The following MYO5A variants were observed in gnomAD, a reference collection of about 807,000 sequenced individuals.
MYO5A encodes the protein myosin VA, also known as unconventional myosin-Va.
Under a neutral mutation model 249.7 loss-of-function variants are expected in MYO5A, and 98 were observed. The ratio of observed to expected loss-of-function variants is 0.39; its 90% CI spans 0.33 to 0.46. MYO5A has a LOEUF of 0.46. MYO5A is among the 20% of genes least tolerant of loss of function. The pLI, the probability that MYO5A is intolerant of heterozygous loss-of-function variation, is 0.98. For missense variants in MYO5A, 1,696 were observed against 2,308.8 expected, an observed-to-expected ratio of 0.73 and a Z score of 5.44; for synonymous variants, 778 against 810.6, an observed-to-expected ratio of 0.96 and a Z score of 0.68.
At chr15:52,399,436 CA>C (rs1450585800) in intron 9 of MYO5A, among the ~76,000 whole-genome samples, 1 of 152,158 alleles carries the variant, frequency 6.6e-6, no homozygotes, top group African/African-American at 2.4e-5. Context: ...ATTACAGGCA[CA>C]CACCATGCAC....
intron 1 of MYO5A, among the ~76,000 whole-genome samples, chr15:52,487,408 C>T (rs556600313): frequency 5.3e-5 from 8 of 150,522 alleles, no homozygotes; most frequent in Non-Finnish European, 1.5e-5. Flanking sequence ...AGAGCAGACC[C>T]TGTCCCAAAA....
intron 34 of MYO5A, among the ~76,000 whole-genome samples, chr15:52,332,468 C>T (rs985142659): frequency 6.6e-6 from 1 of 152,066 alleles, no homozygotes; most frequent in Non-Finnish European, 1.5e-5. Flanking sequence ...GAAGCTTCAC[C>T]TTCCTTTTGC....
intron 9 of MYO5A, among the ~76,000 whole-genome samples, chr15:52,401,512 T>C (rs1327799288): frequency 1.3e-5 from 2 of 152,224 alleles, no homozygotes; most frequent in Non-Finnish European, 2.9e-5. Flanking sequence ...CTGGCTTTTA[T>C]AGCTGCAGCT....
chr15:52,470,165 C>T (rs1029083478), intron 1 of MYO5A, among the ~76,000 whole-genome samples: 2 of 152,196 alleles, frequency 1.3e-5, no homozygotes, highest in South Asian at 4.1e-4. Context: ...GGGTCTTCTT[C>T]CATAGCATTG....
chr15:52,378,587 G>A (rs7183050), intron 18 of MYO5A, among the ~76,000 whole-genome samples: 122,998 of 135,346 alleles, frequency 0.91, 57,158 homozygotes, highest in East Asian at 1. Flanking sequence ...AAAAAGCATT[G>A]CTGAGGAAGT....
intron 9 of MYO5A, among the ~76,000 whole-genome samples, chr15:52,399,647 C>CT (rs971135230): frequency 1.3e-5 from 2 of 151,728 alleles, no homozygotes; most frequent in Admixed American, 1.3e-4. Context: ...ATACCTGAAA[C>CT]TTTTTTTTCT....
intron 18 of MYO5A, among the ~76,000 whole-genome samples, chr15:52,378,608 C>T (rs1277532276): frequency 8.4e-5 from 12 of 142,548 alleles, no homozygotes; most frequent in African/African-American, 3.0e-4. Context: ...GGCCTTAGCT[C>T]TTTCAAGGAA....
intron 23 of MYO5A, among the ~76,000 whole-genome samples, chr15:52,365,688 C>T (rs1410076700): frequency 6.6e-5 from 10 of 152,312 alleles, no homozygotes; most frequent in Middle Eastern, 3.4e-3. Context: ...TAGAGTAGGG[C>T]TTTAATAATT....
At chr15:52,445,955 C>T (rs1724592) in intron 1 of MYO5A, among the ~76,000 whole-genome samples, 47,072 of 152,198 alleles carry the variant, frequency 0.31, 9,626 homozygotes, top group East Asian at 0.66. Context: ...AAGCAGGAAG[C>T]AGAGCATAAA....
At chr15:52,472,965 C>T (rs1008906966) in intron 1 of MYO5A, among the ~76,000 whole-genome samples, 3 of 152,196 alleles carry the variant, frequency 2.0e-5, no homozygotes, top group African/African-American at 7.2e-5. Flanking sequence ...GAGGAATTGC[C>T]ACACTGTCTT....
At chr15:52,348,694 CA>C in intron 29 of MYO5A, 123 bp downstream of exon 29, 1 of 903,820 alleles carries the variant, frequency 1.1e-6, no homozygotes, top group Non-Finnish European at 1.7e-6. Context: ...AATTCACTTA[CA>C]AATTCAAAAT....
At chr15:52,319,798 G>A (rs758672600) in intron 38 of MYO5A, among the ~76,000 whole-genome samples, 5 of 152,190 alleles carry the variant, frequency 3.3e-5, no homozygotes, top group East Asian at 1.9e-4. Flanking sequence ...AAGGGCTTCC[G>A]GATTTTAAAC....
intron 1 of MYO5A, among the ~76,000 whole-genome samples, chr15:52,518,068 G>A (rs2077531341): frequency 6.6e-6 from 1 of 151,890 alleles, no homozygotes; most frequent in Admixed American, 6.6e-5. Context: ...TAAGTTGAAG[G>A]CTTATCATCT....
At chr15:52,333,537 T>A (rs1487091261) in intron 34 of MYO5A, among the ~76,000 whole-genome samples, 1 of 152,202 alleles carries the variant, frequency 6.6e-6, no homozygotes, top group Non-Finnish European at 1.5e-5. Flanking sequence ...TTTCCTCTTA[T>A]GAAATAACTA....
intron 20 of MYO5A, among the ~76,000 whole-genome samples, chr15:52,374,477 A>C (rs1196559915): frequency 2.6e-5 from 4 of 152,242 alleles, no homozygotes; most frequent in Non-Finnish European, 5.9e-5. Context: ...TATTCAGAAA[A>C]AGGGCCTTTG....
intron 34 of MYO5A, among the ~76,000 whole-genome samples, chr15:52,333,075 T>G (rs1367899014): frequency 2.0e-5 from 3 of 152,216 alleles, no homozygotes. Flanking sequence ...ACAAGGCACC[T>G]GCCATCTCGG....
rs570064582 is a variant in MYO5A at position 52,489,901 on chromosome 15, G to A, written c.27+38879C>T. Among the ~76,000 whole-genome samples, 24 of 152,178 alleles carry A rather than the reference G, an allele frequency of 1.6e-4. 1 individual carries two copies. Among genetic ancestry groups the A allele is most frequent in the Admixed American group, 3.3e-4 (5 of 15,276 alleles). ...GATGAACAACCTGATTTTAAAATGA[G>A]CAAAGACTTTGAATAGACGTTTCTC... On this transcript the variant is annotated intron_variant, in intron 1 of 41. Transcript: ENST00000399233.
intron 9 of MYO5A, among the ~76,000 whole-genome samples, chr15:52,405,051 T>TCACACACACACACA (rs58764245): frequency 1.0e-4 from 14 of 140,294 alleles, no homozygotes; most frequent in South Asian, 4.8e-4. Flanking sequence ...TCTCTCTCTG[T>TCACACACACACACA]CACACACACA....
At chr15:52,410,271 C>T in intron 6 of MYO5A, 62 bp downstream of exon 6, 1 of 1,527,416 alleles carries the variant, frequency 6.5e-7, no homozygotes, top group Non-Finnish European at 9.1e-7. Flanking sequence ...TACCAGCAAG[C>T]ATGGACTCAA....
Sources: allele counts gnomAD v4.1 joint callset (sites outside exome capture counted in the v4.1 genomes callset), GRCh38; gene constraint gnomAD v4.1.1; transcripts MANE v1.5; gene names NCBI Gene and HGNC (gene_info 2026-07-23, HGNC 2026-07-21).